CNTN4: variants seen among roughly 807,000 people sequenced by gnomAD.
The protein encoded by CNTN4 is contactin-4.
CNTN4 carries 77 observed loss-of-function variants against 122.5 expected under a neutral mutation model. The observed-to-expected ratio is 0.63, with a 90% CI of 0.52 to 0.76. The LOEUF is 0.76. Among genes scored for constraint, CNTN4 ranks in the 30% least tolerant of loss-of-function variants. The pLI is 0.00. For missense variants in CNTN4, 1,256 were observed against 1,259.1 expected, an observed-to-expected ratio of 1.00 and a Z score of 0.04; for synonymous variants, 512 against 447.0, an observed-to-expected ratio of 1.15 and a Z score of -1.83.
At chr3:2,802,491 G>A (rs968883707) in intron 6 of CNTN4, among the ~76,000 whole-genome samples, 3 of 152,154 alleles carry the variant, frequency 2.0e-5, no homozygotes, top group Non-Finnish European at 4.4e-5. Context: ...ATAAGCATAA[G>A]AAAATCGTGC....
intron 2 of CNTN4, among the ~76,000 whole-genome samples, chr3:2,122,922 C>T (rs1317088377): frequency 1.3e-5 from 2 of 152,126 alleles, no homozygotes; most frequent in Non-Finnish European, 2.9e-5. Context: ...GTTATAAGAG[C>T]TCATTGAATG....
intron 3 of CNTN4, among the ~76,000 whole-genome samples, chr3:2,503,710 G>A (rs1255116755): frequency 6.6e-6 from 1 of 152,044 alleles, no homozygotes; most frequent in Non-Finnish European, 1.5e-5. Context: ...TAATAAAGTG[G>A]GTAGGGATGA....
At chr3:2,620,454 C>G (rs185480267) in intron 4 of CNTN4, among the ~76,000 whole-genome samples, 10 of 152,142 alleles carry the variant, frequency 6.6e-5, no homozygotes, top group African/African-American at 2.4e-4. Context: ...CAGCCATGAT[C>G]GTGCCACTGT....
At position 2,975,570 on chromosome 3, in the gene CNTN4, G is replaced by A. The variant is rs527961104; in HGVS notation, c.1359-12775G>A. On this transcript the variant is annotated intron_variant, in intron 13 of 24. Coordinates refer to ENST00000418658, the MANE Select transcript of CNTN4 (RefSeq NM_175607.3). ...ATAAACTTCTTAAGCATCTCCATGC[G>A]CCCAATACTCAACTTAGTATATTTA... Among the ~76,000 whole-genome samples the A allele has an allele frequency of 1.4e-4, 21 of 152,206 alleles. No individual in the cohort carries two copies. In the South Asian group the frequency reaches 2.5e-3, roughly 18 times the overall value.
chr3:2,313,504 A>G (rs2042984946), intron 2 of CNTN4, among the ~76,000 whole-genome samples: 1 of 152,016 alleles, frequency 6.6e-6, no homozygotes, highest in Non-Finnish European at 1.5e-5. Context: ...ATTGATTCAG[A>G]AATAGAGGAA....
chr3:3,024,203 C>A (rs1698523169), intron 14 of CNTN4, among the ~76,000 whole-genome samples: 1 of 151,942 alleles, frequency 6.6e-6, no homozygotes, highest in African/African-American at 2.4e-5. Context: ...TAGAACTAGG[C>A]AACATCTTTA....
chr3:2,354,741 G>C (rs1229627741), intron 3 of CNTN4, among the ~76,000 whole-genome samples: 4 of 152,112 alleles, frequency 2.6e-5, no homozygotes, highest in African/African-American at 9.7e-5. Context: ...ACACTTGGCT[G>C]TAAGTAAGCT....
At chr3:2,830,175 C>A (rs2093072080) in intron 7 of CNTN4, among the ~76,000 whole-genome samples, 1 of 152,038 alleles carries the variant, frequency 6.6e-6, no homozygotes, top group African/African-American at 2.4e-5. Flanking sequence ...CCCTAATTAC[C>A]CAGCTTCTCT....
chr3:2,561,233 G>C (rs978416921), intron 3 of CNTN4, among the ~76,000 whole-genome samples: 1 of 152,156 alleles, frequency 6.6e-6, no homozygotes, highest in Non-Finnish European at 1.5e-5. Flanking sequence ...TGTGCAGCAT[G>C]CTTCATTAAC....
chr3:2,473,945 C>T (rs868212573), intron 3 of CNTN4, among the ~76,000 whole-genome samples: 8 of 151,156 alleles, frequency 5.3e-5, no homozygotes, highest in Middle Eastern at 6.9e-3. Flanking sequence ...TCGGGGGAGG[C>T]GAAGGTTGTG....
At position 2,660,553 on chromosome 3, in the gene CNTN4, C is replaced by G. The variant is rs1327809914; in HGVS notation, c.56-75662C>G. The stretch of plus-strand genomic sequence containing the variant: ...AACCCTGCCATTAATTGGCATATGT[C>G]CAGGCAATTAAAACTGTGGTATGGA... On this transcript the variant is annotated intron_variant, in intron 4 of 24. Transcript: ENST00000418658. Among the ~76,000 whole-genome samples, 6 of 152,170 alleles carry G rather than the reference C, an allele frequency of 3.9e-5. No homozygotes were observed. The East Asian group carries it at 1.2e-3, about 29-fold the overall frequency.
chr3:2,187,479 G>A (rs1342567347), intron 2 of CNTN4, among the ~76,000 whole-genome samples: 1 of 152,158 alleles, frequency 6.6e-6, no homozygotes, highest in Non-Finnish European at 1.5e-5. Flanking sequence ...GCTCTCTGAA[G>A]CACGCCTCTG....
intron 2 of CNTN4, among the ~76,000 whole-genome samples, chr3:2,275,333 T>G (rs182730404): frequency 6.6e-6 from 1 of 152,334 alleles, no homozygotes; most frequent in East Asian, 1.9e-4. Context: ...GGAGAATACG[T>G]GATTTATGTG....
intron 4 of CNTN4, among the ~76,000 whole-genome samples, chr3:2,676,752 G>T (rs957504210): frequency 3.3e-5 from 5 of 152,176 alleles, no homozygotes; most frequent in Admixed American, 2.6e-4. Flanking sequence ...CTTCCTGATG[G>T]TCTTTATACT....
At chr3:2,650,551 A>G (rs1414779638) in intron 4 of CNTN4, among the ~76,000 whole-genome samples, 1 of 152,214 alleles carries the variant, frequency 6.6e-6, no homozygotes, top group Non-Finnish European at 1.5e-5. Flanking sequence ...GAAGTCTGTC[A>G]TGAACGGAAG....
chr3:2,964,384 C>T (rs1287171966), intron 13 of CNTN4, among the ~76,000 whole-genome samples: 1 of 152,114 alleles, frequency 6.6e-6, no homozygotes, highest in Non-Finnish European at 1.5e-5. Flanking sequence ...TCAAATGATA[C>T]ATGTTTTTCA....
intron 2 of CNTN4, among the ~76,000 whole-genome samples, chr3:2,327,133 A>ATGTGTG (rs143040725): frequency 0.34 from 51,303 of 149,330 alleles, 9,519 homozygotes; most frequent in East Asian, 0.74. Context: ...CTGGGAATAG[A>ATGTGTG]TGTGTGTGTG....
At chr3:2,571,344 A>G in intron 3 of CNTN4, 72 bp from the exon 4 acceptor site, 2 of 664,346 alleles carry the variant, frequency 3.0e-6, no homozygotes, top group Non-Finnish European at 5.5e-6. Flanking sequence ...ATATTTGAGT[A>G]AAGATAAACT....
chr3:2,997,518 G>A (rs1034192544), intron 14 of CNTN4, among the ~76,000 whole-genome samples: 1 of 152,208 alleles, frequency 6.6e-6, no homozygotes, highest in Non-Finnish European at 1.5e-5. Context: ...AGAGGCAGGA[G>A]GAGTATAACT....
Sources: gnomAD v4.1 joint callset for allele counts (sites outside exome capture counted in the v4.1 genomes callset) on GRCh38, gnomAD v4.1.1 for gene constraint, MANE v1.5 for transcripts, NCBI Gene and HGNC (gene_info 2026-07-23, HGNC 2026-07-21) for gene names.